ATR: variants seen among roughly 807,000 people sequenced by gnomAD.
The protein encoded by ATR is serine/threonine-protein kinase ATR.
In ATR, 142 loss-of-function variants were observed where a neutral mutation model predicts 305.3. The observed-to-expected ratio is 0.47, with a 90% CI of 0.41 to 0.53. The LOEUF is 0.53. ATR is among the 20% of genes least tolerant of loss of function. The pLI is 0.00. For synonymous variants in ATR, 1,050 were observed against 1,068.1 expected, an observed-to-expected ratio of 0.98 and a Z score of 0.33; for missense variants, 2,135 against 3,133.1, an observed-to-expected ratio of 0.68 and a Z score of 7.60.
chr3:142,558,037 GATA>G (rs1239815996), intron 8 of ATR, among the ~76,000 whole-genome samples: 3 of 152,108 alleles, frequency 2.0e-5, no homozygotes, highest in Non-Finnish European at 4.4e-5. Flanking sequence ...ATTAAATGAA[GATA>G]ATGATATGTA....
intron 36 of ATR, among the ~76,000 whole-genome samples, chr3:142,480,248 C>T (rs149435807): frequency 0.018 from 2,718 of 152,238 alleles, 29 homozygotes; most frequent in South Asian, 0.041. Context: ...ATGATAGTGA[C>T]GTACAGATGC....
At chr3:142,531,818 G>A (rs1486572290) in intron 21 of ATR, among the ~76,000 whole-genome samples, 1 of 152,182 alleles carries the variant, frequency 6.6e-6, no homozygotes, top group African/African-American at 2.4e-5. Context: ...CTAGATCCCT[G>A]AGGAATCGCC....
Position 142,556,511 on chromosome 3 carries a change from C to T in ATR, c.1950G>A (p.Glu650=), listed in dbSNP as rs28910270. 31,684 of 1,614,042 alleles carry T rather than the reference C, an allele frequency of 0.02. 399 individuals are homozygous for T. The highest frequency in any genetic ancestry group is 0.041 in the South Asian group (3,752 of 91,070). The change falls in exon 9 of 47, where the codon GAG becomes GAA. Residue 650 remains glutamate (E), a synonymous_variant. Coordinates refer to ENST00000350721, the MANE Select transcript of ATR (RefSeq NM_001184.4). ...CCCAGTTGTAAACTGCTGTTCTCCA[C>T]TCAAGGAATATTCTTCTTGGAAACA... The part of the protein sequence containing the change: ...LTLFPRRIFL[E]WRTAVYNWAL...
chr3:142,462,661 G>C (rs1024676689), intron 41 of ATR, among the ~76,000 whole-genome samples: 2 of 151,902 alleles, frequency 1.3e-5, no homozygotes, highest in Non-Finnish European at 1.5e-5. Flanking sequence ...GTAGAGACAG[G>C]GTTTCACCGT....
chr3:142,567,554 T>A (rs1445807028), intron 2 of ATR, among the ~76,000 whole-genome samples: 1 of 152,202 alleles, frequency 6.6e-6, no homozygotes, highest in Non-Finnish European at 1.5e-5. Context: ...TCAACAGATA[T>A]GACAAATGTG....
chr3:142,494,120 T>A (rs2031446118), intron 34 of ATR, among the ~76,000 whole-genome samples: 1 of 151,614 alleles, frequency 6.6e-6, no homozygotes, highest in South Asian at 2.1e-4. Flanking sequence ...AATACAAGTA[T>A]AACAACTGTT....
At chr3:142,574,881 G>A (rs1057427552) in intron 1 of ATR, among the ~76,000 whole-genome samples, 2 of 152,206 alleles carry the variant, frequency 1.3e-5, no homozygotes, top group Non-Finnish European at 2.9e-5. Context: ...ACTGGAAACT[G>A]TAAGAGGCTC....
At chr3:142,557,634 A>C (rs2034719124) in intron 8 of ATR, among the ~76,000 whole-genome samples, 1 of 152,218 alleles carries the variant, frequency 6.6e-6, no homozygotes, top group Non-Finnish European at 1.5e-5. Context: ...GGGGAATGAA[A>C]TCATAGAGGG....
intron 3 of ATR, among the ~76,000 whole-genome samples, chr3:142,565,570 T>G (rs577174746): frequency 6.6e-6 from 1 of 151,666 alleles, no homozygotes; most frequent in East Asian, 1.9e-4. Context: ...AGTAAAAGAA[T>G]GAGCATGGCT....
intron 41 of ATR, among the ~76,000 whole-genome samples, chr3:142,463,188 C>T (rs1485787600): frequency 6.6e-6 from 1 of 152,062 alleles, no homozygotes; most frequent in Non-Finnish European, 1.5e-5. Context: ...GTATGTCAGG[C>T]TATTTTATTT....
intron 3 of ATR, among the ~76,000 whole-genome samples, chr3:142,564,184 C>T (rs142002825): frequency 2.1e-4 from 32 of 150,386 alleles, no homozygotes; most frequent in South Asian, 6.4e-4. Context: ...TAAGGTACAA[C>T]GTAAACATAA....
rs535173549 is a variant in ATR at position 142,535,134 on chromosome 3, G to A, written c.3891C>T (p.Val1297=). 129 of 1,612,888 alleles carry A rather than the reference G, an allele frequency of 8.0e-5. No individual in the cohort carries two copies. Among genetic ancestry groups the A allele is most frequent in the Non-Finnish European group, 9.5e-5 (112 of 1,179,280 alleles). ...LSMKAIQHEN[V]DVRIHALTSL... The stretch of plus-strand genomic sequence containing the variant: ...TTGTAAGAGCATGAATACGAACATC[G>A]ACATTTTCATGTTGAATGGCCTTCA... Residue 1297 remains valine (V), a synonymous_variant, in exon 21 of 47, where the codon GTC becomes GTT. Transcript: ENST00000350721.
chr3:142,461,148 C>G (rs1014203785), intron 42 of ATR, among the ~76,000 whole-genome samples: 1 of 152,066 alleles, frequency 6.6e-6, no homozygotes, highest in African/African-American at 2.4e-5. Flanking sequence ...TGTAAAGTTA[C>G]TATACTTTTC....
At chr3:142,519,005 T>G (rs2033029002) in intron 24 of ATR, among the ~76,000 whole-genome samples, 1 of 152,170 alleles carries the variant, frequency 6.6e-6, no homozygotes, top group African/African-American at 2.4e-5. Flanking sequence ...TACTAAAGGC[T>G]TTCTGACTAG....
Position 142,505,142 on chromosome 3 carries a change from G to T in ATR, c.5193C>A (p.Asp1731Glu), listed in dbSNP as rs2108355074. ...TGCCTTTCAATTATTATCTTACCTG[G>T]TCTGGTTCTAGCTGAATAGCCCTGT... ...CYDRAIQLEP[D>E]QIIHYHGVVK... Residue 1731 changes from aspartate to glutamate, a missense_variant, in exon 29 of 47, where the codon GAC (aspartate) becomes GAA (glutamate). Physicochemically the swap from Asp to Glu is conservative, Grantham distance 45 (BLOSUM62 2). Transcript: ENST00000350721. 1.2e-6 allele frequency: 2 copies of T among 1,614,024 alleles called. No individual in the cohort carries two copies. The highest frequency in any genetic ancestry group is 2.2e-5 in the East Asian group (1 of 44,866).
intron 30 of ATR, among the ~76,000 whole-genome samples, chr3:142,502,253 G>C (rs972734103): frequency 1.6e-4 from 25 of 152,250 alleles, no homozygotes; most frequent in African/African-American, 4.1e-4. Flanking sequence ...CTACCAAAAA[G>C]ATACATACAC....
chr3:142,562,520 T>C lies in ATR; in HGVS notation c.882A>G (p.Pro294=), dbSNP rs2034919181. 1.2e-6 allele frequency: 2 copies of C among 1,613,898 alleles called. No individual in the cohort carries two copies. The highest frequency in any genetic ancestry group is 1.7e-6 in the Non-Finnish European group (2 of 1,179,880). ...ATAGTGTCTTTATCAGCTTTGATAA[T>C]GGCTCTTCATAGAGTTTCAATTGGT... ...DTDQLKLYEE[P]LSKLIKTLFP... The change falls in exon 4 of 47, where the codon CCA becomes CCG. Residue 294 remains proline (P), a synonymous_variant. Coordinates refer to ENST00000350721, the MANE Select transcript of ATR (RefSeq NM_001184.4).
chr3:142,545,399 G>A (rs550943421), intron 16 of ATR, among the ~76,000 whole-genome samples: 44 of 152,206 alleles, frequency 2.9e-4, no homozygotes, highest in African/African-American at 8.4e-4. Context: ...CCTAGGTCTC[G>A]AAGCAGGAAA....
At chr3:142,499,903 C>T in intron 30 of ATR, 185 bp from the exon 31 acceptor site, 2 of 535,496 alleles carry the variant, frequency 3.7e-6, no homozygotes, top group South Asian at 2.4e-5. Context: ...TCTTTCCATC[C>T]TTCAAAAATA....
Sources: allele counts gnomAD v4.1 joint callset (sites outside exome capture counted in the v4.1 genomes callset), GRCh38; gene constraint gnomAD v4.1.1; transcripts MANE v1.5; gene names NCBI Gene and HGNC (gene_info 2026-07-23, HGNC 2026-07-21).